The following MACROD2 variants were observed in gnomAD, a reference collection of about 807,000 sequenced individuals.
MACROD2 encodes the protein mono-ADP ribosylhydrolase 2, also known as ADP-ribose glycohydrolase MACROD2.
A neutral mutation model predicts 70.4 loss-of-function variants in MACROD2; 36 were observed. The observed-to-expected ratio is 0.51, with a 90% CI of 0.39 to 0.68. The LOEUF (loss-of-function observed/expected upper bound fraction) is 0.68. MACROD2 is among the 30% of genes least tolerant of loss of function. The pLI, the probability that MACROD2 is intolerant of heterozygous loss-of-function variation, is 0.00. For synonymous variants in MACROD2, 172 were observed against 178.8 expected, an observed-to-expected ratio of 0.96 and a Z score of 0.30; for missense variants, 496 against 538.4, an observed-to-expected ratio of 0.92 and a Z score of 0.78.
chr20:15,249,139 C>T (rs1020966084), intron 6 of MACROD2, among the ~76,000 whole-genome samples: 1 of 152,168 alleles, frequency 6.6e-6, no homozygotes, highest in Non-Finnish European at 1.5e-5. Context: ...GTCTACCAAC[C>T]CCTGTCGCCT....
At chr20:15,201,171 G>A (rs2076652714) in intron 5 of MACROD2, among the ~76,000 whole-genome samples, 2 of 152,054 alleles carry the variant, frequency 1.3e-5, no homozygotes, top group South Asian at 4.1e-4. Flanking sequence ...ATGAAACATG[G>A]GTTAGTGGAA....
At chr20:14,266,569 A>G (rs1444889731) in intron 3 of MACROD2, among the ~76,000 whole-genome samples, 2 of 152,168 alleles carry the variant, frequency 1.3e-5, no homozygotes, top group African/African-American at 2.4e-5. Context: ...ATATAGATCT[A>G]CTAGATAAAA....
intron 5 of MACROD2, among the ~76,000 whole-genome samples, chr20:15,062,396 C>T (rs1027316912): frequency 1.5e-4 from 23 of 152,038 alleles, no homozygotes; most frequent in African/African-American, 5.1e-4. Context: ...ATTTGTTGTT[C>T]AGGTGAAATT....
intron 5 of MACROD2, among the ~76,000 whole-genome samples, chr20:14,784,075 T>G (rs903814289): frequency 6.6e-6 from 1 of 151,900 alleles, no homozygotes; most frequent in Non-Finnish European, 1.5e-5. Context: ...GGTGATGTCC[T>G]GAAACATCAT....
chr20:14,948,799 C>A (rs550142648), intron 5 of MACROD2, among the ~76,000 whole-genome samples: 2 of 152,300 alleles, frequency 1.3e-5, no homozygotes, highest in African/African-American at 4.8e-5. Context: ...TAGCCTAATA[C>A]AGGACTTTCG....
Position 15,653,608 on chromosome 20 carries a change from T to A in MACROD2, c.645+153761T>A, listed in dbSNP as rs958238175. 1.5e-4 allele frequency among the ~76,000 whole-genome samples: 23 copies of A among 152,272 alleles called. No homozygotes were observed. The South Asian group carries it at 1.9e-3, about 12-fold the overall frequency. The stretch of plus-strand genomic sequence containing the variant: ...TCATAGTAGGCTGCCACTTGGAGCT[T>A]CTGCAGTGATAGGACACCAGCATTC... On this transcript the variant is annotated intron_variant, in intron 8 of 17. Coordinates refer to ENST00000684519, the MANE Select transcript of MACROD2 (RefSeq NM_001351661.2).
chr20:15,173,951 T>C (rs1328779474), intron 5 of MACROD2, among the ~76,000 whole-genome samples: 2 of 152,204 alleles, frequency 1.3e-5, no homozygotes, highest in Non-Finnish European at 2.9e-5. Context: ...TTTTGTTCAT[T>C]GGTTAAAAAA....
At chr20:14,053,590 C>A (rs145188078) in intron 2 of MACROD2, 286 of 152,186 alleles carry the variant, frequency 1.9e-3, no homozygotes, top group African/African-American at 6.5e-3. Flanking sequence ...ATCACGAGAG[C>A]TTTGTAAGGT....
At chr20:14,800,776 A>G (rs767650168) in intron 5 of MACROD2, among the ~76,000 whole-genome samples, 1 of 152,108 alleles carries the variant, frequency 6.6e-6, no homozygotes, top group Non-Finnish European at 1.5e-5. Context: ...AGCCATGGGT[A>G]TAGTTACCAC....
intron 8 of MACROD2, among the ~76,000 whole-genome samples, chr20:15,740,356 T>C (rs891712138): frequency 6.6e-6 from 1 of 152,158 alleles, no homozygotes; most frequent in African/African-American, 2.4e-5. Flanking sequence ...TTTACTGTTA[T>C]TACTATCTAT....
chr20:14,432,491 T>C (rs1007055628), intron 3 of MACROD2, among the ~76,000 whole-genome samples: 14 of 151,786 alleles, frequency 9.2e-5, no homozygotes, highest in African/African-American at 3.4e-4. Context: ...CAATAAAAAA[T>C]GTGTTGAATA....
At chr20:15,134,673 C>A (rs1402108772) in intron 5 of MACROD2, among the ~76,000 whole-genome samples, 3 of 151,794 alleles carry the variant, frequency 2.0e-5, no homozygotes, top group Admixed American at 2.0e-4. Context: ...AAAGCAAGAG[C>A]AAACACATTC....
rs751237235 is a variant in MACROD2 at position 14,160,762 on chromosome 20, G to A, written c.271+75034G>A. Among the ~76,000 whole-genome samples, 44 of 151,662 alleles carry A rather than the reference G, an allele frequency of 2.9e-4. No homozygotes were observed. The Middle Eastern group carries it at 0.01, about 35-fold the overall frequency. On this transcript the variant is annotated intron_variant, in intron 3 of 17. Coordinates refer to ENST00000684519, the MANE Select transcript of MACROD2 (RefSeq NM_001351661.2). ...TTATTTTTTCTTCTCCTAATTTTGC[G>A]TTTGTTTTTTCCTGCTTTTTTAGTT...
chr20:15,105,119 TTAAAC>T (rs1161855177), intron 5 of MACROD2, among the ~76,000 whole-genome samples: 1 of 152,086 alleles, frequency 6.6e-6, no homozygotes, highest in Non-Finnish European at 1.5e-5. Context: ...GAAACACAAT[TTAAAC>T]TAAAAAGGAA....
At chr20:15,010,663 G>T (rs2075075597) in intron 5 of MACROD2, among the ~76,000 whole-genome samples, 1 of 152,110 alleles carries the variant, frequency 6.6e-6, no homozygotes, top group African/African-American at 2.4e-5. Context: ...ATATCCATTA[G>T]TTCACATACC....
At chr20:14,115,732 T>C (rs964294729) in intron 3 of MACROD2, among the ~76,000 whole-genome samples, 2 of 152,188 alleles carry the variant, frequency 1.3e-5, no homozygotes, top group Non-Finnish European at 2.9e-5. Flanking sequence ...GAGATTTGTG[T>C]ATTTTTTCTT....
At chr20:14,758,111 A>C (rs928711953) in intron 5 of MACROD2, 50 of 343,034 alleles carry the variant, frequency 1.5e-4, no homozygotes, top group Non-Finnish European at 2.5e-4. Context: ...AAGCTTAAAA[A>C]AAAAAAAGAA....
At chr20:15,869,431 A>G (rs2147177765) in intron 9 of MACROD2, among the ~76,000 whole-genome samples, 1 of 151,418 alleles carries the variant, frequency 6.6e-6, no homozygotes, top group East Asian at 1.9e-4. Flanking sequence ...AAATTAATAG[A>G]AAAAAAGCTA....
At chr20:14,738,465 C>T (rs1253235759) in intron 5 of MACROD2, among the ~76,000 whole-genome samples, 1 of 152,086 alleles carries the variant, frequency 6.6e-6, no homozygotes, top group East Asian at 1.9e-4. Context: ...ATTCATCTCA[C>T]CCACTAGTCT....
Sources: allele counts gnomAD v4.1 joint callset (sites outside exome capture counted in the v4.1 genomes callset), GRCh38; gene constraint gnomAD v4.1.1; transcripts MANE v1.5; gene names NCBI Gene and HGNC (gene_info 2026-07-23, HGNC 2026-07-21).